VAPB: variants seen among roughly 807,000 people sequenced by gnomAD.
VAPB encodes vesicle-associated membrane protein-associated protein B/C.
VAPB carries 7 observed loss-of-function variants against 25.6 expected under a neutral mutation model. The ratio of observed to expected loss-of-function variants is 0.27; its 90% confidence interval spans 0.16 to 0.51. VAPB has a LOEUF of 0.51. Among genes scored for constraint, VAPB ranks in the 20% least tolerant of loss-of-function variants. The pLI is 0.97. For synonymous variants in VAPB, 112 were observed against 109.2 expected, an observed-to-expected ratio of 1.03 and a Z score of -0.16; for missense variants, 266 against 301.3, an observed-to-expected ratio of 0.88 and a Z score of 0.87.
At chr20:58,402,017 G>A (rs940032803) in intron 1 of VAPB, among the ~76,000 whole-genome samples, 1 of 152,108 alleles carries the variant, frequency 6.6e-6, no homozygotes, top group Admixed American at 6.5e-5. Context: ...CTTCTTGTCC[G>A]AGTCTTCTCT....
At chr20:58,416,456 T>C (rs1454979719) in intron 1 of VAPB, among the ~76,000 whole-genome samples, 8 of 70,988 alleles carry the variant, frequency 1.1e-4, no homozygotes, top group Admixed American at 8.2e-4. Context: ...CGTAGGTGGT[T>C]GAGGTGTGTG....
intron 1 of VAPB, among the ~76,000 whole-genome samples, chr20:58,414,320 G>A (rs1241924866): frequency 2.0e-5 from 3 of 148,026 alleles, no homozygotes; most frequent in African/African-American, 7.5e-5. Context: ...CCTGGCGGGG[G>A]GCTGACCCCC....
chr20:58,425,236 C>T (rs771772786), intron 2 of VAPB, among the ~76,000 whole-genome samples: 13 of 152,192 alleles, frequency 8.5e-5, no homozygotes, highest in Non-Finnish European at 1.6e-4. Context: ...TGTGAGAGGA[C>T]GGGGAGTGCG....
chr20:58,424,061 C>T (rs1475625689), intron 2 of VAPB, among the ~76,000 whole-genome samples: 1 of 152,080 alleles, frequency 6.6e-6, no homozygotes, highest in Non-Finnish European at 1.5e-5. Flanking sequence ...ATATCAAGAT[C>T]AAGAGGACTT....
chr20:58,436,992 C>CTTTTTTTTTTTTTTT (rs34944837), intron 3 of VAPB, among the ~76,000 whole-genome samples: 1 of 77,432 alleles, frequency 1.3e-5, no homozygotes, highest in Non-Finnish European at 2.3e-5. Flanking sequence ...AAACTTTGAA[C>CTTTTTTTTTTTTTTT]TTTTTTTTTT....
intron 4 of VAPB, 197 bp from the exon 5 acceptor site, chr20:58,440,710 A>G (rs2123099409): frequency 5.7e-6 from 3 of 523,004 alleles, no homozygotes; most frequent in East Asian, 3.6e-5. Flanking sequence ...GCCCTTATCC[A>G]TAATTTCTAG....
At position 58,434,006 on chromosome 20, in the gene VAPB, G is replaced by A. The variant is rs189728977; in HGVS notation, c.212-596G>A. 2.7e-3 allele frequency among the ~76,000 whole-genome samples: 406 copies of A among 152,242 alleles called. 3 individuals are homozygous for A. Among genetic ancestry groups the A allele is most frequent in the Non-Finnish European group, 4.0e-3 (271 of 68,018 alleles). On this transcript the variant is annotated intron_variant, in intron 2 of 5. Coordinates refer to ENST00000475243, the MANE Select transcript of VAPB (RefSeq NM_004738.5). ...GTGACTCATCCACAGGATCCTCTGT[G>A]TGAGATTTCTCTAGGTTCTTAGGGA...
chr20:58,402,351 T>TA (rs1276215472), intron 1 of VAPB, among the ~76,000 whole-genome samples: 1 of 152,114 alleles, frequency 6.6e-6, no homozygotes, highest in Non-Finnish European at 1.5e-5. Flanking sequence ...CACTAAAAAT[T>TA]AGTTGATTCC....
chr20:58,415,736 T>C (rs1016071939), intron 1 of VAPB, among the ~76,000 whole-genome samples: 2 of 152,224 alleles, frequency 1.3e-5, no homozygotes, highest in Admixed American at 1.3e-4. Flanking sequence ...ACATAATGCT[T>C]TAATGGAAAT....
intron 2 of VAPB, among the ~76,000 whole-genome samples, chr20:58,419,219 A>G (rs1417816295): frequency 6.6e-6 from 1 of 152,154 alleles, no homozygotes; most frequent in Non-Finnish European, 1.5e-5. Context: ...TTTTTCCATG[A>G]TAGATTTTGA....
chr20:58,445,364 T>C lies in VAPB; in HGVS notation c.*1129T>C. On this transcript the variant is annotated 3_prime_UTR_variant, in exon 6 of 6. Transcript: ENST00000475243. ...GACAAATGGATCGGGCTGCAGAGGG[T>C]TAGAAGCGAGGGCACCAGCAGTTGT... 1 of 454,502 alleles carries C rather than the reference T, an allele frequency of 2.2e-6. No homozygotes were observed. The highest frequency in any genetic ancestry group is 6.9e-4 in the Middle Eastern group (1 of 1,444). 28.2% of individuals were successfully genotyped at this position (454,502 alleles called of 1,614,324 possible). A position where few individuals can be genotyped will look rare whatever the true frequency, so the allele number is the denominator to read the frequency against.
rs34944837 is a variant in VAPB, at chr20:58,436,992, CTTTTTTTTTTTTT to C, written c.316-1940_316-1928del. On this transcript the variant is annotated intron_variant, in intron 3 of 5. Transcript: ENST00000475243. ...ACCTTTTTGTTTTTCAAACTTTGAA[CTTTTTTTTTTTTT>C]TTTTTTTTTTTTGAGACAAAGTCTT... Among the ~76,000 whole-genome samples the C allele has an allele frequency of 2.3e-4, 18 of 77,432 alleles. 1 individual carries two copies. Among genetic ancestry groups the C allele is most frequent in the African/African-American group, 9.2e-4 (17 of 18,526 alleles). 50.8% of individuals were successfully genotyped at this position (77,432 alleles called of 152,430 possible). A position where few individuals can be genotyped will look rare whatever the true frequency, so the allele number is the denominator to read the frequency against.
intron 1 of VAPB, among the ~76,000 whole-genome samples, chr20:58,390,675 C>T (rs1987773589): frequency 6.6e-6 from 1 of 152,132 alleles, no homozygotes; most frequent in Non-Finnish European, 1.5e-5. Context: ...ATCGCTAGCA[C>T]CGGACTCACA....
intron 2 of VAPB, among the ~76,000 whole-genome samples, chr20:58,433,156 G>T (rs1448139425): frequency 6.6e-6 from 1 of 152,166 alleles, no homozygotes; most frequent in African/African-American, 2.4e-5. Context: ...TAGCTTTGTC[G>T]TGGGGCCTGG....
intron 1 of VAPB, among the ~76,000 whole-genome samples, chr20:58,397,939 C>T (rs969653684): frequency 2.0e-5 from 3 of 152,114 alleles, no homozygotes; most frequent in African/African-American, 4.8e-5. Context: ...GCCAGGCATA[C>T]GAATTGGATC....
intron 1 of VAPB, among the ~76,000 whole-genome samples, chr20:58,400,494 A>G (rs531878212): frequency 1.3e-5 from 2 of 152,156 alleles, no homozygotes; most frequent in Admixed American, 6.5e-5. Context: ...AGTTTTTTCT[A>G]TATCACCTCT....
In VAPB at chr20:58,439,007, A is replaced by G. The variant is rs981564507; in HGVS notation, c.378A>G (p.Pro126=). 22 of 1,613,910 alleles carry G rather than the reference A, an allele frequency of 1.4e-5. No individual in the cohort carries two copies. Among genetic ancestry groups the G allele is most frequent in the Non-Finnish European group, 1.8e-5 (21 of 1,179,944 alleles). The change falls in exon 4 of 6, where the codon CCA becomes CCG. Residue 126 remains proline, a synonymous_variant. Transcript: ENST00000475243. The part of the protein sequence containing the change: ...DSKLRCVFEL[P]AENDKPHDVE... ...AACTTAGATGTGTGTTTGAATTGCC[A>G]GCAGAGAATGATAAACCAGTAAGTA... is the stretch of plus-strand genomic sequence containing the variant.
At chr20:58,400,155 G>A (rs190323081) in intron 1 of VAPB, among the ~76,000 whole-genome samples, 2 of 152,278 alleles carry the variant, frequency 1.3e-5, no homozygotes, top group African/African-American at 4.8e-5. Context: ...ATTACAAAGC[G>A]AATCTGTGGT....
At chr20:58,431,217 G>A (rs1988919998) in intron 2 of VAPB, 1 of 152,174 alleles carries the variant, frequency 6.6e-6, no homozygotes, top group South Asian at 2.1e-4. Flanking sequence ...TATCATGCAT[G>A]GATTGTTTGG....
Sources: gnomAD v4.1 joint callset for allele counts (sites outside exome capture counted in the v4.1 genomes callset) on GRCh38, gnomAD v4.1.1 for gene constraint, MANE v1.5 for transcripts, NCBI Gene and HGNC (gene_info 2026-07-23, HGNC 2026-07-21) for gene names.